Variants in MYO18B observed in about 807,000 individuals in gnomAD.
MYO18B encodes unconventional myosin-XVIIIb.
A neutral mutation model predicts 273.0 loss-of-function variants in MYO18B; 204 were observed. That is an observed-to-expected ratio of 0.75 (90% CI 0.67 to 0.84). The LOEUF is 0.84. Among genes scored for constraint, MYO18B ranks in the 40% least tolerant of loss-of-function variants. The pLI is 0.00. For missense variants in MYO18B, 3,212 were observed against 3,287.6 expected, an observed-to-expected ratio of 0.98 and a Z score of 0.56; for synonymous variants, 1,330 against 1,305.7, an observed-to-expected ratio of 1.02 and a Z score of -0.40.
rs116281618 is a variant in MYO18B at position 25,782,004 on chromosome 22, G to T, written c.2312+170G>T. ...TGGGTACACGCAGCTCATGGGCTGG[G>T]TGACTTTGGTCACATGTCATCCACC... On this transcript the variant is annotated intron_variant, in intron 10 of 43. Transcript: ENST00000335473. Among the ~76,000 whole-genome samples the T allele has an allele frequency of 7.9e-3, 1,198 of 152,336 alleles. 16 individuals carry two copies. The highest frequency in any genetic ancestry group is 0.027 in the African/African-American group (1,104 of 41,558).
At chr22:25,901,971 C>T (rs556781418) in intron 29 of MYO18B, among the ~76,000 whole-genome samples, 18 of 151,526 alleles carry the variant, frequency 1.2e-4, no homozygotes, top group African/African-American at 4.1e-4. Flanking sequence ...TGCCACGATG[C>T]CCAGGTAATT....
chr22:25,835,995 T>A (rs924946342), intron 17 of MYO18B, among the ~76,000 whole-genome samples: 1 of 152,028 alleles, frequency 6.6e-6, no homozygotes, highest in Non-Finnish European at 1.5e-5. Flanking sequence ...GAGGTTGTAG[T>A]GTGAAGATAT....
intron 9 of MYO18B, 147 bp downstream of exon 9, chr22:25,780,345 C>A (rs2087089061): frequency 1.0e-6 from 1 of 996,902 alleles, no homozygotes; most frequent in South Asian, 1.7e-5. Flanking sequence ...AATCCCAGCA[C>A]TTTGGGAGGC....
the MYO18B span, among the ~76,000 whole-genome samples, chr22:26,039,999 T>G: frequency 6.6e-6 from 1 of 152,172 alleles, no homozygotes; most frequent in African/African-American, 2.4e-5. Context: ...TAATTTTTTA[T>G]ACTTTTTTTG....
chr22:25,979,546 C>T (rs922257991), intron 39 of MYO18B, among the ~76,000 whole-genome samples: 4 of 152,098 alleles, frequency 2.6e-5, no homozygotes, highest in Non-Finnish European at 5.9e-5. Context: ...GAATCCCCTG[C>T]TCAGTTGGTA....
intron 37 of MYO18B, among the ~76,000 whole-genome samples, chr22:25,950,728 T>A (rs2092783519): frequency 6.6e-6 from 1 of 152,030 alleles, no homozygotes; most frequent in African/African-American, 2.4e-5. Flanking sequence ...CCCGCCACCA[T>A]GCCTGGCTAA....
intron 3 of MYO18B, among the ~76,000 whole-genome samples, chr22:25,764,342 C>G (rs1388625878): frequency 6.6e-6 from 1 of 152,152 alleles, no homozygotes; most frequent in Non-Finnish European, 1.5e-5. Flanking sequence ...GGGAGGCAGG[C>G]TTGGAATGCA....
intron 16 of MYO18B, 72 bp from the exon 17 acceptor site, chr22:25,835,224 T>G (rs764006708): frequency 2.6e-6 from 4 of 1,516,930 alleles, no homozygotes; most frequent in Non-Finnish European, 2.6e-6. Flanking sequence ...TCCCTATCGG[T>G]GGGAAGAGAA....
intron 39 of MYO18B, among the ~76,000 whole-genome samples, chr22:25,990,797 A>G (rs997645853): frequency 7.4e-5 from 11 of 148,728 alleles, no homozygotes; most frequent in African/African-American, 2.8e-4. Context: ...ACTCAGTTCC[A>G]TGGGGAGCTG....
chr22:25,905,491 A>G (rs2092024678), intron 31 of MYO18B, among the ~76,000 whole-genome samples: 1 of 152,176 alleles, frequency 6.6e-6, no homozygotes, highest in Non-Finnish European at 1.5e-5. Flanking sequence ...TCTGGTCGTG[A>G]CAGCAGGGTT....
chr22:26,029,473 C>T (rs1936540621), intron 43 of MYO18B, among the ~76,000 whole-genome samples: 1 of 152,164 alleles, frequency 6.6e-6, no homozygotes, highest in African/African-American at 2.4e-5. Context: ...TATTCATTTA[C>T]ATTATTATGC....
At chr22:25,988,244 T>A (rs2093223876) in intron 39 of MYO18B, among the ~76,000 whole-genome samples, 1 of 151,970 alleles carries the variant, frequency 6.6e-6, no homozygotes, top group Non-Finnish European at 1.5e-5. Context: ...CTGCGTTTGT[T>A]TAGCCTAATG....
the MYO18B span, among the ~76,000 whole-genome samples, chr22:26,058,348 G>T: frequency 6.6e-6 from 1 of 152,146 alleles, no homozygotes; most frequent in Non-Finnish European, 1.5e-5. Context: ...GAAGGTGGTT[G>T]CTGGAGGGCC....
intron 3 of MYO18B, 150 bp downstream of exon 3, chr22:25,763,539 C>G (rs1406761213): frequency 4.3e-6 from 4 of 921,056 alleles, no homozygotes; most frequent in Non-Finnish European, 6.3e-6. Flanking sequence ...CTATTGAGCT[C>G]TTATGTACCC....
At chr22:25,871,850 A>G (rs933791761) in intron 22 of MYO18B, among the ~76,000 whole-genome samples, 1 of 152,240 alleles carries the variant, frequency 6.6e-6, no homozygotes, top group Non-Finnish European at 1.5e-5. Flanking sequence ...GCAAAGGCTT[A>G]TTCCCATTCT....
In MYO18B at chr22:25,768,699, A is replaced by G; in HGVS notation, c.783A>G (p.Lys261=). The G allele has an allele frequency of 6.4e-7, 1 of 1,571,544 alleles. No homozygotes were observed. Among genetic ancestry groups the G allele is most frequent in the Non-Finnish European group, 8.6e-7 (1 of 1,160,868 alleles). ...TELKEAEPQG[K]DRQGTRPQAQ... is the part of the protein sequence containing the mutation. Reference sequence around the variant, plus strand: ...TGAAAGAGGCTGAGCCCCAGGGCAAAGACAGGCAGGGGACCAGGCCCCAAG... The same window carrying G: ...TGAAAGAGGCTGAGCCCCAGGGCAAGGACAGGCAGGGGACCAGGCCCCAAG... The change falls in exon 4 of 44, where the codon AAA becomes AAG. Residue 261 remains lysine, a synonymous_variant. Coordinates refer to ENST00000335473, the MANE Select transcript of MYO18B (RefSeq NM_032608.7).
chr22:26,043,010 G>A, the MYO18B span, among the ~76,000 whole-genome samples: 2 of 152,156 alleles, frequency 1.3e-5, no homozygotes, highest in Non-Finnish European at 2.9e-5. Flanking sequence ...ATCAGGACAG[G>A]ACATTTTTAA....
intron 34 of MYO18B, among the ~76,000 whole-genome samples, chr22:25,945,692 C>T (rs1173669271): frequency 9.0e-6 from 1 of 111,416 alleles, no homozygotes; most frequent in African/African-American, 3.4e-5. Context: ...CTCCTCTCCC[C>T]TCGCCTCCCC....
chr22:25,777,472 C>T (rs149725112), intron 7 of MYO18B, 111 bp from the exon 8 acceptor site: 13 of 1,057,664 alleles, frequency 1.2e-5, no homozygotes, highest in Admixed American at 6.9e-5. Flanking sequence ...GGAGGCAGAT[C>T]TGGAGGCAGG....
Sources: gnomAD v4.1 joint callset for allele counts (sites outside exome capture counted in the v4.1 genomes callset) on GRCh38, gnomAD v4.1.1 for gene constraint, MANE v1.5 for transcripts, NCBI Gene and HGNC (gene_info 2026-07-23, HGNC 2026-07-21) for gene names.